SMOX: variants seen among roughly 807,000 people sequenced by gnomAD.
SMOX encodes the protein spermine oxidase, also known as flavin containing amine oxidase.
In SMOX, 22 loss-of-function variants were observed where a neutral mutation model predicts 51.0. The ratio of observed to expected loss-of-function variants is 0.43; its 90% CI spans 0.31 to 0.62. The LOEUF is 0.62. Among genes scored for constraint, SMOX ranks in the 20% least tolerant of loss-of-function variants. SMOX has a pLI of 0.10. For missense variants in SMOX, 566 were observed against 777.7 expected (o/e 0.73, Z 3.24); for synonymous variants, 282 against 307.8 (o/e 0.92, Z 0.88).
rs778398126 is a variant in SMOX at position 4,182,344 on chromosome 20, G to T, written c.865G>T (p.Asp289Tyr). ...CCGGGGTGAGGGCGACCACAATCAC[G>T]ACACTGGGGAGGGTGGCCAGGGTGG... ...EPRGEGDHNH[D>Y]TGEGGQGGEE... is the part of the protein sequence containing the mutation. Residue 289 changes from aspartate to tyrosine, a missense_variant, in exon 5 of 7, where the codon GAC (aspartate) becomes TAC (tyrosine). Asp to Tyr is a radical substitution (Grantham distance 160). Transcript: ENST00000305958. The surrounding 1 kb of genome is among the most constrained non-coding windows in gnomAD (Gnocchi z 8.4). The T allele has an allele frequency of 2.5e-6, 4 of 1,593,130 alleles. No homozygotes were observed. Among genetic ancestry groups the T allele is most frequent in the African/African-American group, 1.3e-5 (1 of 74,568 alleles).
At position 4,180,913 on chromosome 20, in the gene SMOX, C is replaced by T. The variant is rs550249842; in HGVS notation, c.436-890C>T. 1.2e-4 allele frequency among the ~76,000 whole-genome samples: 18 copies of T among 152,230 alleles called. No individual in the cohort carries two copies. The East Asian group carries it at 2.3e-3, about 20-fold the overall frequency. On this transcript the variant is annotated intron_variant, in intron 3 of 6. Transcript: ENST00000305958. ...GTGAGGGGAGGGGCAGGGACTGTTT[C>T]GCCCACATTACAAGCTGTGTCCTGC...
At chr20:4,176,143 C>T (rs1978835067) in intron 2 of SMOX, 1 of 151,710 alleles carries the variant, frequency 6.6e-6, no homozygotes, top group East Asian at 1.9e-4. Context: ...GCCTCAGCCT[C>T]CGAAGTAGCT....
At chr20:4,174,659 G>A (rs1256575095) in intron 1 of SMOX, among the ~76,000 whole-genome samples, 1 of 152,176 alleles carries the variant, frequency 6.6e-6, no homozygotes. Context: ...TTTGGGGCCT[G>A]TGGTCAGGGA....
In SMOX at chr20:4,177,001, C is replaced by T. The variant is rs1978911211; in HGVS notation, c.209-350C>T. Among the ~76,000 whole-genome samples, 1 of 152,156 alleles carries T rather than the reference C, an allele frequency of 6.6e-6. No homozygotes were observed. Among genetic ancestry groups the T allele is most frequent in the African/African-American group, 2.4e-5 (1 of 41,438 alleles). ...CCAGGTGGGGACCCTCAGGTACCCA[C>T]AGTGCTTCTCCCCGGTGAGGAGGCA... On this transcript the variant is annotated intron_variant, in intron 2 of 6. Transcript: ENST00000305958. This position sits in a 1 kb window ranked among gnomAD's most constrained non-coding sequence, Gnocchi z 4.3.
At chr20:4,186,090 T>C (rs1431412026) in intron 6 of SMOX, among the ~76,000 whole-genome samples, 4 of 151,710 alleles carry the variant, frequency 2.6e-5, no homozygotes, top group Admixed American at 6.6e-5. Context: ...TGGCTTGAGC[T>C]CAGGAGTTCA....
chr20:4,180,836 C>T (rs1448155147), intron 3 of SMOX, among the ~76,000 whole-genome samples: 3 of 152,264 alleles, frequency 2.0e-5, no homozygotes, highest in South Asian at 4.1e-4. Flanking sequence ...CTCACAGCCC[C>T]GGGTTCTTTC....
rs1353288563 is a variant in SMOX at position 4,182,824 on chromosome 20, A to G, written c.1345A>G (p.Thr449Ala). Residue 449 changes from threonine to alanine, a missense_variant, in exon 5 of 7, where the codon ACG (threonine) becomes GCG (alanine). Physicochemically the swap from Thr to Ala is moderately conservative, Grantham distance 58 (BLOSUM62 0). Transcript: ENST00000305958. This position sits in a 1 kb window ranked among gnomAD's most constrained non-coding sequence, Gnocchi z 8.4. ...CDDEAVAEIC[T>A]EMLRQFTGNP... The stretch of plus-strand genomic sequence containing the variant: ...TGACGAGGCAGTGGCCGAGATCTGC[A>G]CGGAGATGCTGCGTCAGTTCACAGG... 4 of 1,608,764 alleles carry G rather than the reference A, an allele frequency of 2.5e-6. No individual in the cohort carries two copies. The highest frequency in any genetic ancestry group is 3.4e-6 in the Non-Finnish European group (4 of 1,179,936).
chr20:4,177,456 G>C lies in SMOX; in HGVS notation c.314G>C (p.Gly105Ala), dbSNP rs564856867. 2.8e-5 allele frequency: 44 copies of C among 1,572,714 alleles called. No homozygotes were observed. In the South Asian group the frequency reaches 5.0e-4, roughly 18 times the overall value. Residue 105 changes from glycine (G) to alanine (A), a missense_variant, in exon 3 of 7, where the codon GGG becomes GCG. Coordinates refer to ENST00000305958, the MANE Select transcript of SMOX (RefSeq NM_175839.3). The surrounding 1 kb of genome is among the most constrained non-coding windows in gnomAD (Gnocchi z 4.3). ...GGCCTCCTGGAAGAGACAACCGATG[G>C]GGAACGCAGCGTGGGCCGCATCAGC... Reference protein sequence around the residue: ...ANGLLEETTDGERSVGRISLY... With the variant: ...ANGLLEETTDAERSVGRISLY...
intron 1 of SMOX, among the ~76,000 whole-genome samples, chr20:4,174,187 T>C (rs1978643754): frequency 6.6e-6 from 1 of 151,912 alleles, no homozygotes; most frequent in South Asian, 2.1e-4. Context: ...GCCACTTCGG[T>C]GAGGCTGTGA....
At chr20:4,158,810 G>A (rs909913476) in intron 1 of SMOX, among the ~76,000 whole-genome samples, 3 of 151,918 alleles carry the variant, frequency 2.0e-5, no homozygotes, top group Non-Finnish European at 4.4e-5. Flanking sequence ...CCAGATCTCC[G>A]GGACAGCCCA....
chr20:4,187,570 T>G lies in SMOX; in HGVS notation c.*163T>G, dbSNP rs1362985211. 1 of 1,061,934 alleles carries G rather than the reference T, an allele frequency of 9.4e-7. No homozygotes were observed. Among genetic ancestry groups the G allele is most frequent in the Non-Finnish European group, 1.3e-6 (1 of 759,856 alleles). 65.8% of individuals were successfully genotyped at this position (1,061,934 alleles called of 1,614,324 possible). Reference sequence around the variant, plus strand: ...AGACCTGGCCCTGTAGCTTTTCTTTTTCTCCAGGCTGGGCCGTGAGCAGGT... The same window carrying G: ...AGACCTGGCCCTGTAGCTTTTCTTTGTCTCCAGGCTGGGCCGTGAGCAGGT... On this transcript the variant is annotated 3_prime_UTR_variant, in exon 7 of 7. Transcript: ENST00000305958. This position sits in a 1 kb window ranked among gnomAD's most constrained non-coding sequence, Gnocchi z 4.8.
rs376825009 is a variant in SMOX at position 4,170,247 on chromosome 20, G to A, written c.-26-4783G>A. Among the ~76,000 whole-genome samples, 6 of 151,892 alleles carry A rather than the reference G, an allele frequency of 4.0e-5. No homozygotes were observed. The highest frequency in any genetic ancestry group is 7.3e-5 in the African/African-American group (3 of 41,318). The stretch of plus-strand genomic sequence containing the variant: ...ATGGCTTGACCCGATGTATGAGGAG[G>A]GTCTCCCACTAAGGGTGACTCCAGA... On this transcript the variant is annotated intron_variant, in intron 1 of 6. Transcript: ENST00000305958. This position sits in a 1 kb window ranked among gnomAD's most constrained non-coding sequence, Gnocchi z 4.6.
In SMOX at chr20:4,187,396, C is replaced by G; in HGVS notation, c.1657C>G (p.Gln553Glu). 6.2e-7 allele frequency: 1 copy of G among 1,613,954 alleles called. No individual in the cohort carries two copies. Among genetic ancestry groups the G allele is most frequent in the Non-Finnish European group, 8.5e-7 (1 of 1,179,904 alleles). Residue 553 changes from glutamine (Q) to glutamate (E), a missense_variant, in exon 7 of 7, where the codon CAG becomes GAG. By Grantham distance (29) the Gln-to-Glu change is conservative (BLOSUM62 2). Coordinates refer to ENST00000305958, the MANE Select transcript of SMOX (RefSeq NM_175839.3). This position sits in a 1 kb window ranked among gnomAD's most constrained non-coding sequence, Gnocchi z 4.8. The part of the protein sequence containing the change: ...LIEMYRDLFQ[Q>E]GT ...TGAGATGTACCGAGACCTCTTCCAG[C>G]AGGGGACCTGAGGGCTGTCCTCGCT...
At chr20:4,157,334 A>G (rs1986063519) in intron 1 of SMOX, among the ~76,000 whole-genome samples, 1 of 152,176 alleles carries the variant, frequency 6.6e-6, no homozygotes, top group South Asian at 2.1e-4. Context: ...CATCGTGGAC[A>G]TGAGGGAAGA....
At chr20:4,150,158 A>G (rs1985663308) in intron 1 of SMOX, among the ~76,000 whole-genome samples, 1 of 152,028 alleles carries the variant, frequency 6.6e-6, no homozygotes, top group Non-Finnish European at 1.5e-5. Context: ...CTGTCTCTCC[A>G]ATTTTGTAGC....
At chr20:4,150,753 A>G (rs750578924) in intron 1 of SMOX, among the ~76,000 whole-genome samples, 1 of 150,810 alleles carries the variant, frequency 6.6e-6, no homozygotes, top group Non-Finnish European at 1.5e-5. Context: ...AAAACTTAAT[A>G]TGGATGAAAC....
chr20:4,182,356 G>T lies in SMOX; in HGVS notation c.877G>T (p.Gly293Cys), dbSNP rs1979398220. 2 of 1,592,944 alleles carry T rather than the reference G, an allele frequency of 1.3e-6. No homozygotes were observed. Among genetic ancestry groups the T allele is most frequent in the Non-Finnish European group, 1.7e-6 (2 of 1,167,186 alleles). The change falls in exon 5 of 7, where the codon GGT becomes TGT. Residue 293 changes from glycine (G) to cysteine (C), a missense_variant. Coordinates refer to ENST00000305958, the MANE Select transcript of SMOX (RefSeq NM_175839.3). The surrounding 1 kb of genome is among the most constrained non-coding windows in gnomAD (Gnocchi z 8.4). ...CGACCACAATCACGACACTGGGGAG[G>T]GTGGCCAGGGTGGAGAGGAGCCCCG... The part of the protein sequence containing the change: ...EGDHNHDTGE[G>C]GQGGEEPRGG...
Position 4,172,811 on chromosome 20 carries a change from G to A in SMOX, c.-26-2219G>A, listed in dbSNP as rs1223848599. On this transcript the variant is annotated intron_variant, in intron 1 of 6. Transcript: ENST00000305958. This position sits in a 1 kb window ranked among gnomAD's most constrained non-coding sequence, Gnocchi z 7.7. ...GGGGCTGGAGGGTGGGTGGGTGGGA[G>A]GGGGGGTGGTGGAGGGAGGATTCCC... Among the ~76,000 whole-genome samples, 1 of 145,956 alleles carries A rather than the reference G, an allele frequency of 6.9e-6. No individual in the cohort carries two copies. Among genetic ancestry groups the A allele is most frequent in the Non-Finnish European group, 1.5e-5 (1 of 67,240 alleles).
chr20:4,158,107 A>T (rs368940268), intron 1 of SMOX, among the ~76,000 whole-genome samples: 1 of 149,928 alleles, frequency 6.7e-6, no homozygotes, highest in Non-Finnish European at 1.5e-5. Flanking sequence ...TCACCTTGTT[A>T]GCCAGGATGG....
Sources: gnomAD v4.1 joint callset for allele counts (sites outside exome capture counted in the v4.1 genomes callset) on GRCh38, gnomAD v4.1.1 for gene constraint, Gnocchi (gnomAD v3.1) non-coding constraint, MANE v1.5 for transcripts, NCBI Gene and HGNC (gene_info 2026-07-23, HGNC 2026-07-21) for gene names.